Variants in CEP68 observed in about 807,000 individuals in gnomAD.
CEP68 encodes centrosomal protein of 68 kDa.
In CEP68, 26 loss-of-function variants were observed where a neutral mutation model predicts 55.3. The ratio of observed to expected loss-of-function variants is 0.47; its 90% CI spans 0.34 to 0.65. The LOEUF (loss-of-function observed/expected upper bound fraction) is 0.65. CEP68 is among the 30% of genes least tolerant of loss of function. The pLI is 0.01. For synonymous variants in CEP68, 402 were observed against 383.2 expected (o/e 1.05, Z -0.57); for missense variants, 957 against 946.7 (o/e 1.01, Z -0.14).
intron 5 of CEP68, among the ~76,000 whole-genome samples, chr2:65,081,314 ACT>A (rs200855163): frequency 0.011 from 1,670 of 152,054 alleles, 15 homozygotes; most frequent in Non-Finnish European, 0.019. Flanking sequence ...CACTCTGCCA[ACT>A]CTCTTTGTGG....
In CEP68 at chr2:65,056,502, A is replaced by C. The variant is rs1193238609; in HGVS notation, c.-73A>C. On this transcript the variant is annotated 5_prime_UTR_variant, in exon 1 of 7. Coordinates refer to ENST00000377990, the MANE Select transcript of CEP68 (RefSeq NM_015147.3). The stretch of plus-strand genomic sequence containing the variant: ...CATGGGGCTGCTGAGACCGCTCCGG[A>C]CGTGCGAAGCGTTCGCGGTGCGGTA... The C allele has an allele frequency of 6.6e-6, 1 of 152,206 alleles. No homozygotes were observed. The highest frequency in any genetic ancestry group is 1.5e-5 in the Non-Finnish European group (1 of 68,100). The allele number at this position is 152,206 out of a possible 1,614,324, so 9.4% of individuals were successfully genotyped here. A position where few individuals can be genotyped will look rare whatever the true frequency, so the allele number is the denominator to read the frequency against.
At chr2:65,063,268 C>G (rs889645970) in intron 1 of CEP68, among the ~76,000 whole-genome samples, 3 of 152,248 alleles carry the variant, frequency 2.0e-5, no homozygotes, top group Non-Finnish European at 4.4e-5. Context: ...TGGCTTGTCT[C>G]TTGGTTTGAC....
rs144387533 is a variant in CEP68, at chr2:65,072,031, G to C, written c.935G>C (p.Gly312Ala). 1.2e-5 allele frequency: 19 copies of C among 1,613,314 alleles called. No individual in the cohort carries two copies. In the African/African-American group the frequency reaches 1.9e-4, roughly 16 times the overall value. ...GACTATACTTACCCACTGAGGCCCGGGCCTCAGCTCCCAAAGCACCTTGAT... is the reference window on the plus strand; with the variant it reads ...GACTATACTTACCCACTGAGGCCCGCGCCTCAGCTCCCAAAGCACCTTGAT... ...LLDYTYPLRP[G>A]PQLPKHLDSR... Residue 312 changes from glycine (G) to alanine (A), a missense_variant, in exon 3 of 7, where the codon GGG (glycine) becomes GCG (alanine). Gly to Ala is a moderately conservative substitution (Grantham distance 60, BLOSUM62 0). Transcript: ENST00000377990.
Position 65,072,188 on chromosome 2 carries a change from C to T in CEP68, c.1092C>T (p.Ala364=). The change falls in exon 3 of 7, where the codon GCC becomes GCT. Residue 364 remains alanine, a synonymous_variant. Transcript: ENST00000377990. ...SPNCPPAEAT[A]LPFSGPREPS... ...ACTGCCCACCAGCAGAGGCCACTGCCCTGCCATTTTCTGGGCCCAGAGAGC... is the reference window on the plus strand; with the variant it reads ...ACTGCCCACCAGCAGAGGCCACTGCTCTGCCATTTTCTGGGCCCAGAGAGC... 8.1e-6 allele frequency: 13 copies of T among 1,614,122 alleles called. No homozygotes were observed. The highest frequency in any genetic ancestry group is 1.1e-5 in the Non-Finnish European group (13 of 1,180,024).
chr2:65,065,840 C>G (rs1320137062), intron 1 of CEP68, among the ~76,000 whole-genome samples: 1 of 151,934 alleles, frequency 6.6e-6, no homozygotes, highest in South Asian at 2.1e-4. Context: ...TCTGTAGTCC[C>G]AGCTACTCAG....
At chr2:65,057,692 T>C (rs1396553590) in intron 1 of CEP68, among the ~76,000 whole-genome samples, 1 of 152,230 alleles carries the variant, frequency 6.6e-6, no homozygotes, top group Non-Finnish European at 1.5e-5. Context: ...AGCGTGGTAG[T>C]CTAAAGGTGA....
Position 65,074,316 on chromosome 2 carries a change from G to A in CEP68, c.1919G>A (p.Trp640Ter), listed in dbSNP as rs1573039954. 8.1e-6 allele frequency: 13 copies of A among 1,614,220 alleles called. No homozygotes were observed. The highest frequency in any genetic ancestry group is 1.1e-5 in the South Asian group (1 of 91,086). ...TGTCAGCTGGAAGAGCTGATCTGCT[G>A]GCTGTATAATGTTGCAGATGTTACT... ...FCCQLEELICWLYNVADVTDH... is the reference protein window; with the variant it reads ...FCCQLEELIC Residue 640 changes from tryptophan to a stop codon, truncating the protein, a stop_gained, in exon 4 of 7, where the codon TGG (tryptophan) becomes TAG (stop). Coordinates refer to ENST00000377990, the MANE Select transcript of CEP68 (RefSeq NM_015147.3). LOFTEE classifies it high-confidence loss of function.
At chr2:65,066,933 CA>C (rs1024556121) in intron 1 of CEP68, among the ~76,000 whole-genome samples, 176 of 129,306 alleles carry the variant, frequency 1.4e-3, no homozygotes, top group Non-Finnish European at 1.3e-3. Flanking sequence ...GACTCTGTCT[CA>C]AAAAAAAAAA....
chr2:65,062,121 C>T (rs1269649708), intron 1 of CEP68, among the ~76,000 whole-genome samples: 1 of 152,236 alleles, frequency 6.6e-6, no homozygotes, highest in African/African-American at 2.4e-5. Context: ...CTAGCAACAC[C>T]TGGCCTCTGT....
intron 1 of CEP68, among the ~76,000 whole-genome samples, chr2:65,063,494 T>C (rs184342106): frequency 2.0e-5 from 3 of 152,330 alleles, no homozygotes; most frequent in South Asian, 2.1e-4. Flanking sequence ...CATTAGGAAA[T>C]TGTTTAAAGC....
In CEP68 at chr2:65,072,550, T is replaced by G. The variant is rs768552136; in HGVS notation, c.1454T>G (p.Leu485Arg). 2 of 1,613,198 alleles carry G rather than the reference T, an allele frequency of 1.2e-6. No individual in the cohort carries two copies. The highest frequency in any genetic ancestry group is 2.2e-5 in the South Asian group (2 of 91,040). The change falls in exon 3 of 7, where the codon CTC becomes CGC. Residue 485 changes from leucine to arginine, a missense_variant. Leu to Arg is a moderately radical substitution (Grantham distance 102). Coordinates refer to ENST00000377990, the MANE Select transcript of CEP68 (RefSeq NM_015147.3). Reference protein sequence around the residue: ...EVESDDEYLALPARLTQVSSL... With the variant: ...EVESDDEYLARPARLTQVSSL... ...GAAAGTGATGACGAGTATCTTGCCC[T>G]CCCCGCTCGGCTGACACAGGTTTCT...
At chr2:65,060,419 A>G (rs1361820311) in intron 1 of CEP68, among the ~76,000 whole-genome samples, 1 of 152,192 alleles carries the variant, frequency 6.6e-6, no homozygotes, top group Non-Finnish European at 1.5e-5. Flanking sequence ...TCATACGTGC[A>G]GCCTGATGAC....
chr2:65,073,397 C>G (rs1205632521), intron 3 of CEP68: 1 of 295,816 alleles, frequency 3.4e-6, no homozygotes, highest in Non-Finnish European at 6.6e-6. Flanking sequence ...TGCAGGACTT[C>G]TAGAGCTTCA....
Position 65,071,727 on chromosome 2 carries a change from CA to C in CEP68, c.632del (p.Gln211ArgfsTer32). On this transcript the variant is annotated frameshift_variant, in exon 3 of 7. Transcript: ENST00000377990. LOFTEE classifies it high-confidence loss of function. ...CACAGGCAGCAGTCTCCAGGGTCAC[CA>C]GGAGAGGGCGGAGCCTCGTGGTGGT... is the stretch of plus-strand genomic sequence containing the variant. ...SSTGSSLQGH[Q>X]ERAEPRGGSL... The C allele has an allele frequency of 6.2e-7, 1 of 1,614,046 alleles. No homozygotes were observed. Among genetic ancestry groups the C allele is most frequent in the Non-Finnish European group, 8.5e-7 (1 of 1,180,030 alleles).
In CEP68 at chr2:65,074,284, A is replaced by G. The variant is rs6713125; in HGVS notation, c.1887A>G (p.Thr629=). Residue 629 remains threonine (T), a splice_region_variant and synonymous_variant, in exon 4 of 7, where the codon ACA becomes ACG. Transcript: ENST00000377990. Reference sequence around the variant, plus strand: ...TGTCCTTTTATTTGTCTCTGCAGACATTTTGCTGTCAGCTGGAAGAGCTGA... The same window carrying G: ...TGTCCTTTTATTTGTCTCTGCAGACGTTTTGCTGTCAGCTGGAAGAGCTGA... ...GKESLVQCVK[T]FCCQLEELIC... is the part of the protein sequence containing the mutation. The G allele has an allele frequency of 2.8e-4, 449 of 1,614,118 alleles. 3 individuals carry two copies. In the African/African-American group the frequency reaches 5.2e-3, roughly 19 times the overall value.
intron 4 of CEP68, chr2:65,075,139 A>T (rs1275506416): frequency 6.6e-6 from 1 of 152,370 alleles, no homozygotes; most frequent in Non-Finnish European, 1.5e-5. Flanking sequence ...AATCTAGGCC[A>T]GGCACCTTGG....
At chr2:65,068,464 C>G (rs1378863536) in intron 1 of CEP68, among the ~76,000 whole-genome samples, 1 of 152,178 alleles carries the variant, frequency 6.6e-6, no homozygotes, top group Admixed American at 6.5e-5. Flanking sequence ...ACCACTGTTA[C>G]CCACCAGCTT....
At chr2:65,082,194 G>T (rs1668859924) in intron 5 of CEP68, among the ~76,000 whole-genome samples, 1 of 152,214 alleles carries the variant, frequency 6.6e-6, no homozygotes, top group Non-Finnish European at 1.5e-5. Context: ...AAGAGGATCT[G>T]GATGTGCCCT....
chr2:65,067,254 C>T (rs1363748612), intron 1 of CEP68, among the ~76,000 whole-genome samples: 1 of 152,092 alleles, frequency 6.6e-6, no homozygotes, highest in Non-Finnish European at 1.5e-5. Flanking sequence ...GTGGCGCACG[C>T]CTGTAGTCCC....
Sources: allele counts gnomAD v4.1 joint callset (sites outside exome capture counted in the v4.1 genomes callset), GRCh38; gene constraint gnomAD v4.1.1; transcripts MANE v1.5; gene names NCBI Gene and HGNC (gene_info 2026-07-23, HGNC 2026-07-21).